Variants in TRPS1 observed in about 807,000 individuals in gnomAD.
TRPS1 encodes zinc finger transcription factor Trps1.
A neutral mutation model predicts 101.2 loss-of-function variants in TRPS1; 6 were observed. That is an observed-to-expected ratio of 0.06 (90% CI 0.03 to 0.12). The LOEUF (loss-of-function observed/expected upper bound fraction) is 0.12. TRPS1 is among the 10% of genes least tolerant of loss of function. The pLI, the probability that TRPS1 is intolerant of heterozygous loss-of-function variation, is 1.00. For missense variants in TRPS1, 1,363 were observed against 1,567.0 expected (o/e 0.87, Z 2.20); for synonymous variants, 578 against 589.8 (o/e 0.98, Z 0.29).
At chr8:115,614,723 A>G (rs1818240705) in intron 3 of TRPS1, among the ~76,000 whole-genome samples, 1 of 152,180 alleles carries the variant, frequency 6.6e-6, no homozygotes, top group Non-Finnish European at 1.5e-5. Context: ...CAACTCAGAA[A>G]AACAAAGAAA....
intron 1 of TRPS1, among the ~76,000 whole-genome samples, chr8:115,665,723 T>C (rs1325012890): frequency 6.6e-6 from 1 of 152,200 alleles, no homozygotes; most frequent in Admixed American, 6.5e-5. Context: ...ACAGCTATTA[T>C]GACATTTTTC....
At chr8:115,508,336 A>C (rs1206654738) in intron 5 of TRPS1, among the ~76,000 whole-genome samples, 3 of 152,162 alleles carry the variant, frequency 2.0e-5, no homozygotes, top group Non-Finnish European at 4.4e-5. Context: ...GAGAATCATC[A>C]TACACAGCTT....
chr8:115,662,172 A>G (rs1030791704), intron 1 of TRPS1, among the ~76,000 whole-genome samples: 2 of 152,066 alleles, frequency 1.3e-5, no homozygotes, highest in African/African-American at 4.8e-5. Context: ...ACTGAGAAAC[A>G]TATCAAGTAA....
chr8:115,431,651 T>C (rs539631692), intron 5 of TRPS1, among the ~76,000 whole-genome samples: 3 of 152,080 alleles, frequency 2.0e-5, no homozygotes, highest in South Asian at 4.1e-4. Context: ...AAGGAACACA[T>C]TGTAGATCAC....
chr8:115,515,822 C>T (rs933928215), intron 5 of TRPS1, among the ~76,000 whole-genome samples: 3 of 151,194 alleles, frequency 2.0e-5, no homozygotes, highest in Non-Finnish European at 3.0e-5. Context: ...ATTAAATGGT[C>T]CTTGTCAGTT....
In TRPS1 at chr8:115,623,745, G is replaced by A; in HGVS notation, c.-108C>T. 6.5e-7 allele frequency: 1 copy of A among 1,536,926 alleles called. No homozygotes were observed. Among genetic ancestry groups the A allele is most frequent in the Non-Finnish European group, 8.8e-7 (1 of 1,142,100 alleles). On this transcript the variant is annotated 5_prime_UTR_variant, in exon 2 of 7. Coordinates refer to ENST00000395715, the MANE Select transcript of TRPS1 (RefSeq NM_014112.5). Reference sequence around the variant, plus strand: ...AGAAGACACAGAAGACATTTTGAGAGCTGATCTGTACATCTGCAAAACAAA... The same window carrying A: ...AGAAGACACAGAAGACATTTTGAGAACTGATCTGTACATCTGCAAAACAAA...
intron 3 of TRPS1, among the ~76,000 whole-genome samples, chr8:115,605,705 T>C (rs150014820): frequency 3.2e-4 from 49 of 152,262 alleles, no homozygotes; most frequent in African/African-American, 1.2e-3. Context: ...CCTTATTTGA[T>C]TAAGGTTCTG....
At chr8:115,629,279 C>T (rs1818584750) in intron 1 of TRPS1, among the ~76,000 whole-genome samples, 1 of 151,528 alleles carries the variant, frequency 6.6e-6, no homozygotes, top group Non-Finnish European at 1.5e-5. Context: ...TCCAGAAGAG[C>T]TATCTATGTT....
chr8:115,629,787 C>T (rs918066103), intron 1 of TRPS1, among the ~76,000 whole-genome samples: 7 of 151,900 alleles, frequency 4.6e-5, no homozygotes, highest in African/African-American at 1.7e-4. Flanking sequence ...ATCCCACATG[C>T]TCCTCCCTGA....
chr8:115,541,918 G>A (rs981276106), intron 5 of TRPS1, among the ~76,000 whole-genome samples: 1 of 152,124 alleles, frequency 6.6e-6, no homozygotes, highest in African/African-American at 2.4e-5. Flanking sequence ...ACACCAATAA[G>A]AGAAGTCAGA....
At position 115,604,703 on chromosome 8, in the gene TRPS1, A is replaced by G. The variant is rs377443569; in HGVS notation, c.1266T>C (p.Thr422=). The G allele has an allele frequency of 1.5e-5, 25 of 1,613,858 alleles. 1 individual carries two copies. The highest frequency in any genetic ancestry group is 2.1e-5 in the Non-Finnish European group (25 of 1,179,914). The part of the protein sequence containing the change: ...DKITVKAGDD[T]PVGYSVPIKP... ...TTATGGGCACTGAGTACCCAACAGG[A>G]GTGTCATCTCCTGCTTTGACTGTTA... is the stretch of plus-strand genomic sequence containing the variant. Residue 422 remains threonine (T), a synonymous_variant, in exon 4 of 7, where the codon ACT becomes ACC. Transcript: ENST00000395715. The surrounding 1 kb of genome is among the most constrained non-coding windows in gnomAD (Gnocchi z 4.1).
intron 5 of TRPS1, among the ~76,000 whole-genome samples, chr8:115,522,487 TAA>T (rs932147770): frequency 2.8e-4 from 43 of 152,044 alleles, no homozygotes; most frequent in Admixed American, 2.5e-3. Flanking sequence ...GTTTTCAAAG[TAA>T]AGTGTCTGGT....
At chr8:115,493,148 T>C (rs1012385382) in intron 5 of TRPS1, among the ~76,000 whole-genome samples, 11 of 152,190 alleles carry the variant, frequency 7.2e-5, no homozygotes, top group Admixed American at 1.3e-4. Flanking sequence ...CCTGGACTAT[T>C]AGCAAGAGTC....
chr8:115,561,744 A>C (rs536196132), intron 5 of TRPS1, among the ~76,000 whole-genome samples: 1 of 152,154 alleles, frequency 6.6e-6, no homozygotes, highest in African/African-American at 2.4e-5. Flanking sequence ...TGCAAGAAAA[A>C]TGCAAGAAAA....
chr8:115,592,642 C>A (rs1817701278), intron 4 of TRPS1, among the ~76,000 whole-genome samples: 1 of 152,148 alleles, frequency 6.6e-6, no homozygotes, highest in Non-Finnish European at 1.5e-5. Context: ...GACAACATTA[C>A]TGTCAAAAGC....
chr8:115,578,712 A>G (rs1180444560), intron 5 of TRPS1, among the ~76,000 whole-genome samples: 1 of 152,148 alleles, frequency 6.6e-6, no homozygotes, highest in East Asian at 1.9e-4. Flanking sequence ...AGGATACATT[A>G]GATGCCAAAA....
At chr8:115,553,185 T>A (rs537770579) in intron 5 of TRPS1, among the ~76,000 whole-genome samples, 1 of 152,000 alleles carries the variant, frequency 6.6e-6, no homozygotes, top group Non-Finnish European at 1.5e-5. Context: ...AATCATAATA[T>A]ATTAAAATTT....
At chr8:115,488,651 G>A (rs78759730) in intron 5 of TRPS1, among the ~76,000 whole-genome samples, 66 of 152,138 alleles carry the variant, frequency 4.3e-4, no homozygotes, top group African/African-American at 1.4e-3. Flanking sequence ...CTCCAGCCTC[G>A]CAACAGAGTG....
chr8:115,409,261 G>GGAAAAAA lies in TRPS1; in HGVS notation c.*4761_*4762insTTTTTTC, dbSNP rs886062602. ...TGATATGCTGCAGTTTATATGTTGG[G>GGAAAAAA]AAAAAAAAAAAAAAAAAAAACAGGG... On this transcript the variant is annotated 3_prime_UTR_variant, in exon 7 of 7. Coordinates refer to ENST00000395715, the MANE Select transcript of TRPS1 (RefSeq NM_014112.5). The GGAAAAAA allele has an allele frequency of 1.2e-4, 12 of 102,258 alleles. No homozygotes were observed. The highest frequency in any genetic ancestry group is 4.9e-4 in the African/African-American group (12 of 24,722). The allele number at this position is 102,258 out of a possible 1,614,324, so 6.3% of individuals were successfully genotyped here.
Sources: allele counts gnomAD v4.1 joint callset (sites outside exome capture counted in the v4.1 genomes callset), GRCh38; gene constraint gnomAD v4.1.1; non-coding constraint Gnocchi (gnomAD v3.1); transcripts MANE v1.5; gene names NCBI Gene and HGNC (gene_info 2026-07-23, HGNC 2026-07-21).